AGMO: variants seen among roughly 807,000 people sequenced by gnomAD.
The protein encoded by AGMO is glyceryl-ether monooxygenase.
AGMO carries 75 observed loss-of-function variants against 60.2 expected under a neutral mutation model. That is an observed-to-expected ratio of 1.25 (90% CI 1.03 to 1.51). The LOEUF (loss-of-function observed/expected upper bound fraction) is 1.51. AGMO is among the 40% of genes most tolerant of loss of function. The probability of loss-of-function intolerance (pLI) is 0.00; values close to 1 mark genes in which losing one functional copy is unlikely to be tolerated. For missense variants in AGMO, 763 were observed against 525.5 expected, an observed-to-expected ratio of 1.45 and a Z score of -4.42; for synonymous variants, 261 against 177.1, an observed-to-expected ratio of 1.47 and a Z score of -3.76.
At chr7:15,153,295 T>G in the AGMO span, among the ~76,000 whole-genome samples, 1 of 152,204 alleles carries the variant, frequency 6.6e-6, no homozygotes, top group Non-Finnish European at 1.5e-5. Flanking sequence ...TGTAGTTATC[T>G]GTTAGCTCTG....
chr7:15,466,174 A>C (rs1351037171), intron 3 of AGMO, among the ~76,000 whole-genome samples: 1 of 152,198 alleles, frequency 6.6e-6, no homozygotes, highest in Non-Finnish European at 1.5e-5. Flanking sequence ...ATAATAGTTC[A>C]TATTTACTGG....
intron 3 of AGMO, among the ~76,000 whole-genome samples, chr7:15,529,688 A>AATATATATAGT (rs1384731248): frequency 2.5e-5 from 2 of 80,820 alleles, no homozygotes; most frequent in African/African-American, 9.8e-5. Flanking sequence ...CTATATATAG[A>AATATATATAGT]ATATATATTC....
intron 3 of AGMO, among the ~76,000 whole-genome samples, chr7:15,441,087 C>G (rs1781542435): frequency 6.6e-6 from 1 of 152,142 alleles, no homozygotes. Flanking sequence ...CCTCCCTCAA[C>G]AGAATATGTG....
intron 12 of AGMO, among the ~76,000 whole-genome samples, chr7:15,249,439 AT>A (rs1280600171): frequency 2.6e-5 from 4 of 152,140 alleles, no homozygotes; most frequent in Admixed American, 2.6e-4. Flanking sequence ...GATGAAAAAT[AT>A]TTTGTTATTT....
chr7:15,198,232 A>G (rs1781175971), downstream of AGMO, among the ~76,000 whole-genome samples: 7 of 114,178 alleles, frequency 6.1e-5, no homozygotes, highest in African/African-American at 1.4e-4. Flanking sequence ...AGAGAGAGAG[A>G]GAGAGAGAGA....
intron 12 of AGMO, among the ~76,000 whole-genome samples, chr7:15,224,443 TTCTC>T (rs140122730): frequency 6.6e-6 from 1 of 150,926 alleles, no homozygotes; most frequent in Non-Finnish European, 1.5e-5. Context: ...TGTCCTCTCT[TTCTC>T]TCTCTCTCTC....
At chr7:15,231,326 T>C (rs913988337) in intron 12 of AGMO, among the ~76,000 whole-genome samples, 5 of 152,124 alleles carry the variant, frequency 3.3e-5, no homozygotes, top group African/African-American at 9.7e-5. Context: ...ATACGATAGT[T>C]TGATGGACTC....
intron 12 of AGMO, among the ~76,000 whole-genome samples, chr7:15,260,799 A>C (rs1783245294): frequency 6.6e-6 from 1 of 152,098 alleles, no homozygotes; most frequent in Non-Finnish European, 1.5e-5. Context: ...AAGAAAATGA[A>C]AATTATATCA....
intron 5 of AGMO, among the ~76,000 whole-genome samples, chr7:15,402,621 T>C (rs1784581124): frequency 6.9e-6 from 1 of 144,650 alleles, no homozygotes; most frequent in African/African-American, 2.6e-5. Context: ...ATAATATATA[T>C]TAAATATATT....
intron 12 of AGMO, among the ~76,000 whole-genome samples, chr7:15,266,940 A>T (rs1783449793): frequency 6.6e-6 from 1 of 152,002 alleles, no homozygotes; most frequent in South Asian, 2.1e-4. Context: ...AGAAGAGGCA[A>T]TCTACTCTCT....
chr7:15,552,072 G>T (rs1241720887), intron 2 of AGMO, among the ~76,000 whole-genome samples: 2 of 152,174 alleles, frequency 1.3e-5, no homozygotes, highest in East Asian at 1.9e-4. Context: ...AATGGGGAAA[G>T]GATTCCCTAT....
intron 2 of AGMO, 115 bp from the exon 3 acceptor site, chr7:15,545,038 T>G (rs1024358248): frequency 1.4e-6 from 1 of 720,204 alleles, no homozygotes; most frequent in African/African-American, 1.9e-5. Context: ...ATGAAACTCT[T>G]TCTTCTACTT....
At chr7:15,317,927 G>GTA (rs150303018) in intron 12 of AGMO, among the ~76,000 whole-genome samples, 47,293 of 126,570 alleles carry the variant, frequency 0.37, 8,958 homozygotes, top group Admixed American at 0.5. Flanking sequence ...ATACACACAC[G>GTA]TATATATATA....
intron 12 of AGMO, 44 bp downstream of exon 12, chr7:15,365,470 G>T (rs754178935): frequency 8.2e-7 from 1 of 1,219,590 alleles, no homozygotes; most frequent in Non-Finnish European, 1.2e-6. Context: ...TTAAATGTGC[G>T]ATAGGTATAC....
At chr7:15,321,471 T>C (rs896362426) in intron 12 of AGMO, among the ~76,000 whole-genome samples, 3 of 152,158 alleles carry the variant, frequency 2.0e-5, no homozygotes, top group African/African-American at 4.8e-5. Flanking sequence ...AGAACAGATA[T>C]ACCCAAAATT....
the AGMO span, among the ~76,000 whole-genome samples, chr7:15,121,993 A>G: frequency 6.6e-6 from 1 of 152,180 alleles, no homozygotes; most frequent in African/African-American, 2.4e-5. Flanking sequence ...GGACATATGC[A>G]TGGACAAAGA....
At chr7:15,503,831 T>A (rs1783446756) in intron 3 of AGMO, among the ~76,000 whole-genome samples, 1 of 152,040 alleles carries the variant, frequency 6.6e-6, no homozygotes, top group African/African-American at 2.4e-5. Context: ...TACTGCAAAC[T>A]TTTTTCTGAA....
At chr7:15,385,603 T>C (rs755933833) in intron 9 of AGMO, 41 bp from the exon 10 acceptor site, 16 of 1,120,364 alleles carry the variant, frequency 1.4e-5, no homozygotes, top group Non-Finnish European at 2.0e-5. Flanking sequence ...TGCTCCAGAC[T>C]CATTTTTCTT....
At chr7:15,236,696 A>T (rs915435022) in intron 12 of AGMO, among the ~76,000 whole-genome samples, 6 of 152,126 alleles carry the variant, frequency 3.9e-5, no homozygotes, top group African/African-American at 1.4e-4. Flanking sequence ...TGATTTAAAG[A>T]TGCAGATTAG....
Sources: gnomAD v4.1 joint callset for allele counts (sites outside exome capture counted in the v4.1 genomes callset) on GRCh38, gnomAD v4.1.1 for gene constraint, MANE v1.5 for transcripts, NCBI Gene and HGNC (gene_info 2026-07-23, HGNC 2026-07-21) for gene names.